Variants in ACACB observed in about 807,000 individuals in gnomAD.
ACACB encodes the protein acetyl-CoA carboxylase 2.
Under a neutral mutation model 278.8 loss-of-function variants are expected in ACACB, and 209 were observed. The observed-to-expected ratio is 0.75, with a 90% CI of 0.67 to 0.84. The LOEUF is 0.84. Among genes scored for constraint, ACACB ranks in the 40% least tolerant of loss-of-function variants. ACACB has a pLI of 0.00. For synonymous variants in ACACB, 1,174 were observed against 1,285.6 expected (o/e 0.91, Z 1.86); for missense variants, 2,850 against 3,269.0 (o/e 0.87, Z 3.13).
At chr12:109,117,847 C>T (rs246083) in intron 1 of ACACB, among the ~76,000 whole-genome samples, 71,479 of 151,944 alleles carry the variant, frequency 0.47, 17,761 homozygotes, top group African/African-American at 0.65. Flanking sequence ...CCTGGGTTCA[C>T]GCCATTCTCC....
intron 1 of ACACB, among the ~76,000 whole-genome samples, chr12:109,117,047 CTTTTTT>C (rs71747045): frequency 9.2e-6 from 1 of 109,100 alleles, no homozygotes; most frequent in Non-Finnish European, 1.8e-5. Context: ...AATGGTTGTT[CTTTTTT>C]TTTTTTTTTT....
chr12:109,121,042 C>T (rs140582309), intron 1 of ACACB, among the ~76,000 whole-genome samples: 40 of 152,218 alleles, frequency 2.6e-4, no homozygotes, highest in African/African-American at 8.9e-4. Flanking sequence ...CAGGTTCAAG[C>T]GATTCTCCTG....
At chr12:109,204,872 A>C (rs983781821) in intron 19 of ACACB, among the ~76,000 whole-genome samples, 1 of 151,668 alleles carries the variant, frequency 6.6e-6, no homozygotes, top group African/African-American at 2.4e-5. Flanking sequence ...TTTGAGACAG[A>C]GTCTCACTCT....
upstream of ACACB, among the ~76,000 whole-genome samples, chr12:109,115,997 C>A (rs1315773014): frequency 6.6e-6 from 1 of 152,230 alleles, no homozygotes; most frequent in Non-Finnish European, 1.5e-5. Flanking sequence ...CACATGCCAG[C>A]CCTCCCCACG....
At chr12:109,112,722 C>G (rs1370395940), upstream of ACACB, among the ~76,000 whole-genome samples, 2 of 148,624 alleles carry the variant, frequency 1.3e-5, no homozygotes, top group Non-Finnish European at 3.0e-5. Flanking sequence ...AACCAGGCAA[C>G]TCATTTTGAT....
upstream of ACACB, among the ~76,000 whole-genome samples, chr12:109,114,861 CAA>C (rs1006377701): frequency 1.7e-4 from 26 of 152,022 alleles, no homozygotes; most frequent in Middle Eastern, 0.01. Flanking sequence ...ATTTCTAAAA[CAA>C]AACAAAACAA....
intron 1 of ACACB, among the ~76,000 whole-genome samples, chr12:109,131,589 C>T (rs1642037): frequency 0.13 from 20,228 of 152,072 alleles, 2,211 homozygotes; most frequent in East Asian, 0.3. Flanking sequence ...GGAAAACAGA[C>T]TCCTGACTCC....
At chr12:109,124,952 G>T (rs1191424417) in intron 1 of ACACB, among the ~76,000 whole-genome samples, 1 of 152,100 alleles carries the variant, frequency 6.6e-6, no homozygotes, top group East Asian at 1.9e-4. Context: ...GAGCTCAAAC[G>T]ATACTCCCGC....
At chr12:109,249,949 A>G (rs1328634068) in intron 40 of ACACB, 35 bp from the exon 41 acceptor site, 2 of 1,583,326 alleles carry the variant, frequency 1.3e-6, no homozygotes, top group East Asian at 2.3e-5. Context: ...TTTTGGGGCT[A>G]GAGCCCAGCC....
At chr12:109,215,104 GA>G (rs1329283949) in intron 22 of ACACB, among the ~76,000 whole-genome samples, 2,513 of 136,528 alleles carry the variant, frequency 0.018, 74 homozygotes, top group African/African-American at 0.062. Flanking sequence ...TCAAAAAAAA[GA>G]AAAAAAAAAA....
chr12:109,146,822 G>A (rs1033578244), intron 2 of ACACB, among the ~76,000 whole-genome samples: 6 of 151,984 alleles, frequency 3.9e-5, no homozygotes, highest in Admixed American at 6.6e-5. Flanking sequence ...CTACAGGCAC[G>A]TGCCACCACA....
Position 109,223,896 on chromosome 12 carries a change from T to A in ACACB, c.3874T>A (p.Ser1292Thr), listed in dbSNP as rs779023143. 6.2e-6 allele frequency: 10 copies of A among 1,614,010 alleles called. No homozygotes were observed. The South Asian group carries it at 1.1e-4, about 18-fold the overall frequency. The change falls in exon 27 of 53, where the codon TCC (serine) becomes ACC (threonine). Residue 1292 changes from serine (S) to threonine (T), a missense_variant. Around this residue, in one of 3 missense-constraint regions of ACACB, gnomAD observed 2,265 missense variants for 2,561.3 expected, o/e 0.88. Coordinates refer to ENST00000338432, the MANE Select transcript of ACACB (RefSeq NM_001093.4). Reference sequence around the variant, plus strand: ...CGCAAACAAAGTCGTGTGCATGGCGTCCTTGGAGGTAAGCAGGAGAGGCCC... The same window carrying A: ...CGCAAACAAAGTCGTGTGCATGGCGACCTTGGAGGTAAGCAGGAGAGGCCC... ...YHANKVVCMASLEVYVRRGYI... is the reference protein window; with the variant it reads ...YHANKVVCMATLEVYVRRGYI...
At chr12:109,248,684 T>C (rs1305165599) in intron 40 of ACACB, among the ~76,000 whole-genome samples, 1 of 152,190 alleles carries the variant, frequency 6.6e-6, no homozygotes, top group East Asian at 1.9e-4. Flanking sequence ...GACTGGATGG[T>C]GCGCACCCAC....
chr12:109,135,333 T>C (rs775963455), intron 1 of ACACB, among the ~76,000 whole-genome samples: 5 of 152,124 alleles, frequency 3.3e-5, no homozygotes, highest in Non-Finnish European at 7.3e-5. Flanking sequence ...ATTGGAGCAA[T>C]GTCTATCCGA....
chr12:109,200,026 C>T lies in ACACB; in HGVS notation c.2778+474C>T, dbSNP rs1322230451. Among the ~76,000 whole-genome samples the T allele has an allele frequency of 1.6e-4, 22 of 136,710 alleles. 1 individual carries two copies. The highest frequency in any genetic ancestry group is 5.1e-4 in the African/African-American group (18 of 35,234). The allele number at this position is 136,710 out of a possible 152,430, so 89.7% of individuals were successfully genotyped here. On this transcript the variant is annotated intron_variant, in intron 18 of 52. Coordinates refer to ENST00000338432, the MANE Select transcript of ACACB (RefSeq NM_001093.4). ...CAGCCTGAGCGACAGAGAAAGACTC[C>T]GTCTCAAAAAAAAAAAAAAAAAACT...
At chr12:109,159,982 C>T (rs1166419574) in intron 2 of ACACB, among the ~76,000 whole-genome samples, 6 of 151,142 alleles carry the variant, frequency 4.0e-5, no homozygotes, top group African/African-American at 1.5e-4. Context: ...CCCAGCTACT[C>T]GGGAGGCTGA....
chr12:109,147,538 AC>A (rs1484547871), intron 2 of ACACB, among the ~76,000 whole-genome samples: 1 of 151,392 alleles, frequency 6.6e-6, no homozygotes, highest in African/African-American at 2.4e-5. Context: ...AACCTCCACA[AC>A]CGGCTCCTAA....
At chr12:109,225,291 C>T (rs1295124263) in intron 27 of ACACB, among the ~76,000 whole-genome samples, 2 of 152,240 alleles carry the variant, frequency 1.3e-5, no homozygotes, top group African/African-American at 4.8e-5. Flanking sequence ...CCATGCTTGA[C>T]TTACAGTTAC....
At chr12:109,195,923 T>A (rs879129813) in intron 16 of ACACB, among the ~76,000 whole-genome samples, 1 of 152,202 alleles carries the variant, frequency 6.6e-6, no homozygotes, top group Admixed American at 6.5e-5. Context: ...AATAGCTGTG[T>A]GTGGTTAGGG....
Sources: gnomAD v4.1 joint callset for allele counts (sites outside exome capture counted in the v4.1 genomes callset) on GRCh38, gnomAD v4.1.1 for gene constraint, gnomAD v4.1.1 regional missense constraint, MANE v1.5 for transcripts, NCBI Gene and HGNC (gene_info 2026-07-23, HGNC 2026-07-21) for gene names.